The following TMTC1 variants were observed in gnomAD, a reference collection of about 807,000 sequenced individuals.
TMTC1 encodes transmembrane O-mannosyltransferase targeting cadherins 1.
In TMTC1, 73 loss-of-function variants were observed where a neutral mutation model predicts 104.8. That is an observed-to-expected ratio of 0.70 (90% CI 0.58 to 0.85). The LOEUF (loss-of-function observed/expected upper bound fraction) is 0.85. Ranked by LOEUF, TMTC1 falls within the 40% of genes least tolerant of loss-of-function variation. The pLI, the probability that TMTC1 is intolerant of heterozygous loss-of-function variation, is 0.00. For synonymous variants in TMTC1, 434 were observed against 428.7 expected (o/e 1.01, Z -0.15); for missense variants, 1,035 against 1,096.1 (o/e 0.94, Z 0.79).
At chr12:29,550,244 T>C (rs1040644310) in intron 10 of TMTC1, among the ~76,000 whole-genome samples, 4 of 152,052 alleles carry the variant, frequency 2.6e-5, no homozygotes, top group African/African-American at 9.7e-5. Flanking sequence ...CAGGTAAATG[T>C]TGGTAAAAGT....
In TMTC1 at chr12:29,675,677, C is replaced by A. The variant is rs141921984; in HGVS notation, c.939-42341G>T. ...TTGTGAATAAGAGTTTAATCAAAAA[C>A]GAGTGTTTCTCTGGTGGAAGATATC... On this transcript the variant is annotated intron_variant, in intron 5 of 17. Coordinates refer to ENST00000539277, the MANE Select transcript of TMTC1 (RefSeq NM_001193451.2). 2.6e-5 allele frequency among the ~76,000 whole-genome samples: 4 copies of A among 151,442 alleles called. No homozygotes were observed. In the East Asian group the frequency reaches 7.8e-4, roughly 29 times the overall value.
At chr12:29,739,851 GGCAT>G (rs1188952770) in intron 5 of TMTC1, among the ~76,000 whole-genome samples, 1 of 151,940 alleles carries the variant, frequency 6.6e-6, no homozygotes, top group African/African-American at 2.4e-5. Context: ...TGCGGTTACA[GGCAT>G]GCACCACCAT....
chr12:29,657,530 C>G lies in TMTC1; in HGVS notation c.939-24194G>C, dbSNP rs113226200. 6.4e-3 allele frequency among the ~76,000 whole-genome samples: 977 copies of G among 152,108 alleles called. 13 individuals carry two copies. The highest frequency in any genetic ancestry group is 0.023 in the African/African-American group (944 of 41,480). Reference sequence around the variant, plus strand: ...ACTGCTGAGAAGAAGTAAGCCAACACCAGAAGTTGGATATCACATTATTTC... The same window carrying G: ...ACTGCTGAGAAGAAGTAAGCCAACAGCAGAAGTTGGATATCACATTATTTC... On this transcript the variant is annotated intron_variant, in intron 5 of 17. Transcript: ENST00000539277.
At chr12:29,579,929 G>A (rs934004016) in intron 8 of TMTC1, among the ~76,000 whole-genome samples, 1 of 152,146 alleles carries the variant, frequency 6.6e-6, no homozygotes, top group African/African-American at 2.4e-5. Flanking sequence ...CCAGATTTGG[G>A]TTCAAATCTT....
chr12:29,684,992 C>T (rs1941046599), intron 5 of TMTC1, among the ~76,000 whole-genome samples: 1 of 152,034 alleles, frequency 6.6e-6, no homozygotes, highest in Non-Finnish European at 1.5e-5. Flanking sequence ...AAACAGTGTG[C>T]ATTCTATTGC....
chr12:29,697,023 GAATC>G (rs1198119950), intron 5 of TMTC1, among the ~76,000 whole-genome samples: 1 of 152,164 alleles, frequency 6.6e-6, no homozygotes, highest in Non-Finnish European at 1.5e-5. Context: ...GTATAAACTA[GAATC>G]ATAAGTTCCA....
At chr12:29,600,898 G>A (rs159708) in intron 7 of TMTC1, among the ~76,000 whole-genome samples, 39,912 of 152,088 alleles carry the variant, frequency 0.26, 5,531 homozygotes, top group East Asian at 0.38. Context: ...TGATAATGCT[G>A]CAAGGCATAG....
chr12:29,711,802 G>A (rs376118371), intron 5 of TMTC1, among the ~76,000 whole-genome samples: 20 of 151,858 alleles, frequency 1.3e-4, no homozygotes, highest in East Asian at 5.8e-4. Flanking sequence ...TCAGGAGATC[G>A]AGACCATCCT....
intron 10 of TMTC1, among the ~76,000 whole-genome samples, chr12:29,555,271 A>C (rs1024864316): frequency 1.3e-5 from 2 of 150,762 alleles, no homozygotes; most frequent in South Asian, 4.2e-4. Flanking sequence ...CAAAGCAGCC[A>C]GGATTACAGG....
At chr12:29,664,366 C>T (rs1033298429) in intron 5 of TMTC1, among the ~76,000 whole-genome samples, 3 of 151,932 alleles carry the variant, frequency 2.0e-5, no homozygotes, top group African/African-American at 7.3e-5. Flanking sequence ...GAGAAAGTAA[C>T]CCAAAATAAC....
intron 6 of TMTC1, among the ~76,000 whole-genome samples, chr12:29,623,834 AT>A (rs1415784107): frequency 5.3e-5 from 8 of 149,866 alleles, no homozygotes; most frequent in African/African-American, 2.0e-4. Flanking sequence ...AATAAATTAA[AT>A]TAAATTAAAT....
intron 10 of TMTC1, among the ~76,000 whole-genome samples, chr12:29,554,892 G>A (rs1945198584): frequency 6.6e-6 from 1 of 152,092 alleles, no homozygotes; most frequent in Admixed American, 6.6e-5. Context: ...CACACCGAAT[G>A]TGTTTTATTT....
intron 2 of TMTC1, among the ~76,000 whole-genome samples, chr12:29,766,678 A>T (rs149906763): frequency 4.1e-4 from 63 of 152,240 alleles, no homozygotes; most frequent in African/African-American, 1.5e-3. Flanking sequence ...TGGAGGAGGG[A>T]GAAGGAAACC....
chr12:29,697,245 G>A (rs1014462719), intron 5 of TMTC1, among the ~76,000 whole-genome samples: 1 of 152,176 alleles, frequency 6.6e-6, no homozygotes, highest in Non-Finnish European at 1.5e-5. Flanking sequence ...TCTTCCACCT[G>A]TCACTTAGCC....
chr12:29,713,616 T>C (rs1941998790), intron 5 of TMTC1, among the ~76,000 whole-genome samples: 1 of 152,172 alleles, frequency 6.6e-6, no homozygotes, highest in African/African-American at 2.4e-5. Flanking sequence ...CTTTTGGTAG[T>C]GGTAGGCTGT....
intron 3 of TMTC1, 100 bp from the exon 4 acceptor site, chr12:29,755,985 T>G (rs1057437184): frequency 8.3e-7 from 1 of 1,207,130 alleles, no homozygotes; most frequent in Non-Finnish European, 1.1e-6. Flanking sequence ...TTTCATTGCA[T>G]TCTAAGTAAT....
intron 2 of TMTC1, among the ~76,000 whole-genome samples, chr12:29,763,049 C>G (rs150931603): frequency 5.9e-5 from 9 of 152,318 alleles, no homozygotes; most frequent in African/African-American, 2.2e-4. Context: ...AACAGCAAGA[C>G]TTGCAAGCTG....
At chr12:29,742,263 A>G (rs957735520) in intron 5 of TMTC1, among the ~76,000 whole-genome samples, 1 of 152,142 alleles carries the variant, frequency 6.6e-6, no homozygotes, top group African/African-American at 2.4e-5. Flanking sequence ...GTTTGATTGT[A>G]TTATTTATTT....
intron 2 of TMTC1, among the ~76,000 whole-genome samples, chr12:29,762,862 C>T (rs1162742803): frequency 6.6e-6 from 1 of 152,226 alleles, no homozygotes; most frequent in Admixed American, 6.5e-5. Context: ...ATACAGGTCA[C>T]CTGTAAGCCC....
Sources: allele counts gnomAD v4.1 joint callset (sites outside exome capture counted in the v4.1 genomes callset), GRCh38; gene constraint gnomAD v4.1.1; transcripts MANE v1.5; gene names NCBI Gene and HGNC (gene_info 2026-07-23, HGNC 2026-07-21).